GPR157: variants seen among roughly 807,000 people sequenced by gnomAD.
GPR157 encodes the protein G protein-coupled receptor 157.
GPR157 carries 16 observed loss-of-function variants against 23.5 expected under a neutral mutation model. The observed-to-expected ratio is 0.68, with a 90% CI of 0.46 to 1.04. The LOEUF is 1.04. Among genes scored for constraint, GPR157 ranks in the 50% least tolerant of loss-of-function variants. GPR157 has a pLI of 0.00. For synonymous variants in GPR157, 200 were observed against 221.5 expected, an observed-to-expected ratio of 0.90 and a Z score of 0.86; for missense variants, 440 against 460.7, an observed-to-expected ratio of 0.96 and a Z score of 0.41.
rs1366489290 is a variant in GPR157 at position 9,123,177 on chromosome 1, AT to A, written c.383+5467del. Among the ~76,000 whole-genome samples the A allele has an allele frequency of 1.5e-3, 140 of 94,988 alleles. 1 individual carries two copies. Among genetic ancestry groups the A allele is most frequent in the African/African-American group, 5.7e-3 (131 of 23,136 alleles). 62.3% of individuals were successfully genotyped at this position (94,988 alleles called of 152,430 possible). On this transcript the variant is annotated intron_variant, in intron 1 of 3. Coordinates refer to ENST00000377411, the MANE Select transcript of GPR157 (RefSeq NM_024980.5). ...GTCTTGGGTGGGAAAAAAAAAAAAT[AT>A]ATATATATATATATAAATAAAATTT...
intron 1 of GPR157, among the ~76,000 whole-genome samples, chr1:9,123,652 A>G (rs1638892336): frequency 1.7e-5 from 2 of 114,722 alleles, no homozygotes; most frequent in Admixed American, 2.3e-4. Flanking sequence ...AATATTAAAT[A>G]TATATTAAAT....
At position 9,104,161 on chromosome 1, in the gene GPR157, C is replaced by T. The variant is rs573670077; in HGVS notation, c.*258G>A. On this transcript the variant is annotated 3_prime_UTR_variant, in exon 4 of 4. Transcript: ENST00000377411. ...CCACAGCTGTGGGCCACCGGCTTCC[C>T]GAATCTCACTGCTACCCTTATGCAG... The T allele has an allele frequency of 5.6e-5, 27 of 479,316 alleles. No individual in the cohort carries two copies. Among genetic ancestry groups the T allele is most frequent in the Non-Finnish European group, 8.4e-5 (22 of 262,530 alleles). 29.7% of individuals were successfully genotyped at this position (479,316 alleles called of 1,614,324 possible). A position where few individuals can be genotyped will look rare whatever the true frequency, so the allele number is the denominator to read the frequency against.
rs1642586827 is a variant in GPR157, at chr1:9,103,122, A to AAC, written c.*1296_*1297insGT. On this transcript the variant is annotated 3_prime_UTR_variant, in exon 4 of 4. Transcript: ENST00000377411. ...CCTTTTTTAAAAAAAAAAAAAAAAAAAAACTGACTCTGAAGCTTAAAACCT... is the reference window on the plus strand; with the variant it reads ...CCTTTTTTAAAAAAAAAAAAAAAAAAACAAACTGACTCTGAAGCTTAAAACCT... 6.6e-6 allele frequency: 1 copy of AAC among 151,536 alleles called. No homozygotes were observed. The highest frequency in any genetic ancestry group is 1.5e-5 in the Non-Finnish European group (1 of 67,914). 9.4% of individuals were successfully genotyped at this position (151,536 alleles called of 1,614,324 possible).
In GPR157 at chr1:9,100,745, G is replaced by C. The variant is rs1642557006; in HGVS notation, c.*3674C>G. ...TAACAGAGGAGAAAGAAGCCCACTG[G>C]GGCTGTGCAAAGTGTCCAAGGAGCA... On this transcript the variant is annotated 3_prime_UTR_variant, in exon 4 of 4. Transcript: ENST00000377411. 1 of 152,224 alleles carries C rather than the reference G, an allele frequency of 6.6e-6. No homozygotes were observed. Among genetic ancestry groups the C allele is most frequent in the Non-Finnish European group, 1.5e-5 (1 of 68,080 alleles). 9.4% of individuals were successfully genotyped at this position (152,224 alleles called of 1,614,324 possible).
At chr1:9,109,385 A>C (rs1638425775) in intron 2 of GPR157, among the ~76,000 whole-genome samples, 4 of 150,960 alleles carry the variant, frequency 2.6e-5, no homozygotes, top group Admixed American at 2.0e-4. Context: ...GCCCAGCCTT[A>C]ATTTTAATTT....
At position 9,129,056 on chromosome 1, in the gene GPR157, G is replaced by T; in HGVS notation, c.-29C>A. ...GTGGGGGGCCAGGAGCCGGAGCGCC[G>T]CGAGGACAGAAGCCGGGCCGCGCGT... On this transcript the variant is annotated 5_prime_UTR_variant, in exon 1 of 4. Coordinates refer to ENST00000377411, the MANE Select transcript of GPR157 (RefSeq NM_024980.5). The T allele has an allele frequency of 3.2e-6, 4 of 1,239,472 alleles. No individual in the cohort carries two copies. The highest frequency in any genetic ancestry group is 4.0e-6 in the Non-Finnish European group (4 of 993,230). 76.8% of individuals were successfully genotyped at this position (1,239,472 alleles called of 1,614,324 possible).
chr1:9,125,683 T>C (rs1638949760), intron 1 of GPR157, among the ~76,000 whole-genome samples: 1 of 152,196 alleles, frequency 6.6e-6, no homozygotes, highest in African/African-American at 2.4e-5. Flanking sequence ...AAGAGCTGCA[T>C]ACCATTTCAG....
chr1:9,111,477 C>T lies in GPR157; in HGVS notation c.396G>A (p.Pro132=), dbSNP rs532082112. 15 of 1,613,396 alleles carry T rather than the reference C, an allele frequency of 9.3e-6. No homozygotes were observed. Among genetic ancestry groups the T allele is most frequent in the East Asian group, 8.9e-5 (4 of 44,870 alleles). The change falls in exon 2 of 4, where the codon CCG becomes CCA. Residue 132 remains proline (P), a synonymous_variant. Transcript: ENST00000377411. ...WAFHVVSWGV[P]LVITVAAVAL... is the part of the protein sequence containing the mutation. ...CGACGGCTGCCACAGTGATGACCAACGGGACCCCCCAGCTGAGGAAGGAGG... is the reference window on the plus strand; with the variant it reads ...CGACGGCTGCCACAGTGATGACCAATGGGACCCCCCAGCTGAGGAAGGAGG...
Position 9,103,224 on chromosome 1 carries a change from T to C in GPR157, c.*1195A>G, listed in dbSNP as rs1642588116. The C allele has an allele frequency of 6.6e-6, 1 of 151,800 alleles. No individual in the cohort carries two copies. Among genetic ancestry groups the C allele is most frequent in the Admixed American group, 6.6e-5 (1 of 15,202 alleles). 9.4% of individuals were successfully genotyped at this position (151,800 alleles called of 1,614,324 possible). On this transcript the variant is annotated 3_prime_UTR_variant, in exon 4 of 4. Coordinates refer to ENST00000377411, the MANE Select transcript of GPR157 (RefSeq NM_024980.5). ...TGTTGCCCAGGCTGGAGTGCAATGG[T>C]GTGGTCTTGGCTCACCGCAACCTCC...
rs1557691097 is a variant in GPR157 at position 9,100,453 on chromosome 1, G to A, written c.*3966C>T. 6.6e-6 allele frequency: 1 copy of A among 152,116 alleles called. No homozygotes were observed. Among genetic ancestry groups the A allele is most frequent in the African/African-American group, 2.4e-5 (1 of 41,418 alleles). The allele number at this position is 152,116 out of a possible 1,614,324, so 9.4% of individuals were successfully genotyped here. On this transcript the variant is annotated 3_prime_UTR_variant, in exon 4 of 4. Coordinates refer to ENST00000377411, the MANE Select transcript of GPR157 (RefSeq NM_024980.5). Reference sequence around the variant, plus strand: ...TTGTAAAAACTATTTTTCTTGTCGTGGACACGTGAAGAGTTCTGTTTGCAC... The same window carrying A: ...TTGTAAAAACTATTTTTCTTGTCGTAGACACGTGAAGAGTTCTGTTTGCAC...
intron 1 of GPR157, among the ~76,000 whole-genome samples, chr1:9,125,009 C>A (rs567400655): frequency 3.3e-5 from 5 of 152,196 alleles, no homozygotes; most frequent in Non-Finnish European, 5.9e-5. Flanking sequence ...CCGCGGGCGA[C>A]CCCCCTGTTG....
intron 1 of GPR157, among the ~76,000 whole-genome samples, chr1:9,121,488 A>C (rs1283878169): frequency 6.6e-6 from 1 of 151,522 alleles, no homozygotes; most frequent in Admixed American, 6.6e-5. Flanking sequence ...AAATACAAAA[A>C]AATTAGCCAG....
chr1:9,121,931 C>CGCTT (rs1461616578), intron 1 of GPR157, among the ~76,000 whole-genome samples: 1 of 152,132 alleles, frequency 6.6e-6, no homozygotes, highest in Non-Finnish European at 1.5e-5. Context: ...TCGGCCAGGA[C>CGCTT]GCTTCCTTCT....
In GPR157 at chr1:9,105,924, C is replaced by T. The variant is rs1638306971; in HGVS notation, c.598-244G>A. On this transcript the variant is annotated intron_variant, in intron 2 of 3. Transcript: ENST00000377411. This position sits in a 1 kb window ranked among gnomAD's most constrained non-coding sequence, Gnocchi z 4.8. ...CCAAGACAGAAGATGGATCTTGACC[C>T]CTGAGGCCAATGCTCCCTTCCCAGT... Among the ~76,000 whole-genome samples, 1 of 152,096 alleles carries T rather than the reference C, an allele frequency of 6.6e-6. No homozygotes were observed. Among genetic ancestry groups the T allele is most frequent in the South Asian group, 2.1e-4 (1 of 4,824 alleles).
rs759582926 is a variant in GPR157 at position 9,128,583 on chromosome 1, A to G, written c.383+62T>C. 4 of 1,528,094 alleles carry G rather than the reference A, an allele frequency of 2.6e-6. No individual in the cohort carries two copies. The highest frequency in any genetic ancestry group is 2.3e-5 in the South Asian group (2 of 87,544). 94.7% of individuals were successfully genotyped at this position (1,528,094 alleles called of 1,614,324 possible). A position where few individuals can be genotyped will look rare whatever the true frequency, so the allele number is the denominator to read the frequency against. On this transcript the variant is annotated intron_variant, in intron 1 of 3. Transcript: ENST00000377411. This position sits in a 1 kb window ranked among gnomAD's most constrained non-coding sequence, Gnocchi z 6.3. Reference sequence around the variant, plus strand: ...ACCTAGACGCGGCCTCTGGGAGGGCAAGACCGGGAGGGGTCGGCCTGTGTC... The same window carrying G: ...ACCTAGACGCGGCCTCTGGGAGGGCGAGACCGGGAGGGGTCGGCCTGTGTC...
chr1:9,113,509 C>G (rs1184723757), intron 1 of GPR157, among the ~76,000 whole-genome samples: 1 of 152,140 alleles, frequency 6.6e-6, no homozygotes, highest in Non-Finnish European at 1.5e-5. Flanking sequence ...GGCCAACCAT[C>G]CCCTCTGCAG....
intron 1 of GPR157, among the ~76,000 whole-genome samples, chr1:9,116,358 A>ATTATATATATATATAATATATAT (rs1436425911): frequency 1.7e-4 from 2 of 12,106 alleles, no homozygotes; most frequent in Non-Finnish European, 1.3e-4. Context: ...AATTATATAT[A>ATTATATATATATATAATATATAT]AATTATATAT....
intron 1 of GPR157, among the ~76,000 whole-genome samples, chr1:9,113,317 G>C (rs546542458): frequency 1.3e-5 from 2 of 152,214 alleles, no homozygotes; most frequent in African/African-American, 2.4e-5. Flanking sequence ...ATAACTGTGA[G>C]ATCAGAGTTC....
At position 9,129,070 on chromosome 1, in the gene GPR157, C is replaced by A. The variant is rs1400462466; in HGVS notation, c.-43G>T. ...GCCGGAGCGCCGCGAGGACAGAAGC[C>A]GGGCCGCGCGTGCGGCCACGCCGCC... On this transcript the variant is annotated 5_prime_UTR_variant, in exon 1 of 4. Transcript: ENST00000377411. 1.1e-5 allele frequency: 13 copies of A among 1,212,670 alleles called. No homozygotes were observed. In the East Asian group the frequency reaches 4.4e-4, roughly 41 times the overall value. The allele number at this position is 1,212,670 out of a possible 1,614,324, so 75.1% of individuals were successfully genotyped here.
Sources: gnomAD v4.1 joint callset for allele counts (sites outside exome capture counted in the v4.1 genomes callset) on GRCh38, gnomAD v4.1.1 for gene constraint, Gnocchi (gnomAD v3.1) non-coding constraint, MANE v1.5 for transcripts, NCBI Gene and HGNC (gene_info 2026-07-23, HGNC 2026-07-21) for gene names.